The following ERBB4 variants were observed in gnomAD, a reference collection of about 807,000 sequenced individuals.
ERBB4 encodes erb-b2 receptor tyrosine kinase 4.
Under a neutral mutation model 158.0 loss-of-function variants are expected in ERBB4, and 42 were observed. That is an observed-to-expected ratio of 0.27 (90% CI 0.21 to 0.34). The LOEUF (loss-of-function observed/expected upper bound fraction) is 0.34. ERBB4 is among the 10% of genes least tolerant of loss of function. The pLI, the probability that ERBB4 is intolerant of heterozygous loss-of-function variation, is 1.00. For synonymous variants in ERBB4, 583 were observed against 558.7 expected (o/e 1.04, Z -0.61); for missense variants, 1,333 against 1,624.1 (o/e 0.82, Z 3.08).
intron 17 of ERBB4, among the ~76,000 whole-genome samples, chr2:211,626,751 T>C (rs1050711217): frequency 5.9e-5 from 9 of 151,726 alleles, no homozygotes; most frequent in Non-Finnish European, 7.4e-5. Context: ...TGTGAAACCC[T>C]GTCTCTACTA....
intron 1 of ERBB4, among the ~76,000 whole-genome samples, chr2:212,462,467 A>G (rs1688623890): frequency 6.6e-6 from 1 of 152,200 alleles, no homozygotes; most frequent in African/African-American, 2.4e-5. Flanking sequence ...ATTTCTCAAG[A>G]GATGACATAC....
chr2:212,017,651 T>G (rs1016820418), intron 2 of ERBB4, among the ~76,000 whole-genome samples: 1 of 152,100 alleles, frequency 6.6e-6, no homozygotes, highest in Non-Finnish European at 1.5e-5. Context: ...ATTCATGAAG[T>G]TTTGCACATC....
chr2:211,715,261 T>G (rs2073854886), intron 7 of ERBB4, among the ~76,000 whole-genome samples: 1 of 152,180 alleles, frequency 6.6e-6, no homozygotes, highest in Non-Finnish European at 1.5e-5. Flanking sequence ...GTACAAAGTA[T>G]GGAAAAATTT....
intron 1 of ERBB4, among the ~76,000 whole-genome samples, chr2:212,371,389 T>A (rs1170933719): frequency 1.3e-5 from 2 of 152,252 alleles, no homozygotes; most frequent in African/African-American, 4.8e-5. Flanking sequence ...TTCTTTACAA[T>A]GTCAAATACA....
At chr2:211,665,546 T>C in intron 14 of ERBB4, 69 bp from the exon 15 acceptor site, 3 of 1,497,156 alleles carry the variant, frequency 2.0e-6, no homozygotes, top group South Asian at 1.2e-5. Flanking sequence ...TGTATTCATG[T>C]GGTTTAGTTA....
intron 2 of ERBB4, among the ~76,000 whole-genome samples, chr2:212,070,641 C>A (rs1491002742): frequency 6.6e-6 from 1 of 151,922 alleles, no homozygotes; most frequent in Non-Finnish European, 1.5e-5. Context: ...AATGTACACA[C>A]AAAAGAATTA....
At chr2:211,388,016 G>A (rs1299917054) in intron 25 of ERBB4, 24 bp from the exon 26 acceptor site, 1 of 1,541,240 alleles carries the variant, frequency 6.5e-7, no homozygotes, top group Admixed American at 1.7e-5. Flanking sequence ...AAAATGGAAT[G>A]ATGGATATAA....
chr2:211,948,451 A>C (rs976274960), intron 2 of ERBB4, among the ~76,000 whole-genome samples: 1 of 151,154 alleles, frequency 6.6e-6, no homozygotes, highest in Non-Finnish European at 1.5e-5. Flanking sequence ...AAAAAAAAAA[A>C]AAAAAAAAAA....
At chr2:212,047,069 C>A (rs1014021166) in intron 2 of ERBB4, among the ~76,000 whole-genome samples, 1 of 152,014 alleles carries the variant, frequency 6.6e-6, no homozygotes. Context: ...CCATTATTCT[C>A]CCAAAAAGAA....
At chr2:212,528,630 T>C (rs1692578815) in intron 1 of ERBB4, among the ~76,000 whole-genome samples, 1 of 152,154 alleles carries the variant, frequency 6.6e-6, no homozygotes, top group Non-Finnish European at 1.5e-5. Flanking sequence ...TTTAGGCAAA[T>C]ATAAATTAAG....
At chr2:211,746,988 G>A (rs62183021) in intron 5 of ERBB4, among the ~76,000 whole-genome samples, 34,989 of 151,954 alleles carry the variant, frequency 0.23, 4,353 homozygotes, top group Non-Finnish European at 0.29. Context: ...TCAACTCTCT[G>A]TATGGCTGCT....
At chr2:211,770,483 G>A (rs6722576) in intron 4 of ERBB4, among the ~76,000 whole-genome samples, 22,256 of 151,984 alleles carry the variant, frequency 0.15, 1,833 homozygotes, top group South Asian at 0.33. Flanking sequence ...ATGTTTGAAC[G>A]GTGTGAAAAC....
At chr2:212,289,244 T>A (rs2086116700) in intron 1 of ERBB4, among the ~76,000 whole-genome samples, 1 of 152,194 alleles carries the variant, frequency 6.6e-6, no homozygotes, top group African/African-American at 2.4e-5. Context: ...TTTTGCTGCT[T>A]TTCCTGATTT....
intron 3 of ERBB4, among the ~76,000 whole-genome samples, chr2:211,813,867 T>C (rs1389651604): frequency 6.6e-6 from 1 of 152,144 alleles, no homozygotes; most frequent in Non-Finnish European, 1.5e-5. Flanking sequence ...AACCTTAAAT[T>C]AGTAATTCTC....
intron 1 of ERBB4, among the ~76,000 whole-genome samples, chr2:212,171,717 C>T (rs1040137429): frequency 2.0e-5 from 3 of 152,088 alleles, no homozygotes; most frequent in African/African-American, 7.2e-5. Context: ...AGTTCTCTTG[C>T]CTGCTGCCAC....
intron 1 of ERBB4, among the ~76,000 whole-genome samples, chr2:212,505,190 G>A (rs752224646): frequency 5.9e-5 from 9 of 152,092 alleles, no homozygotes; most frequent in East Asian, 1.9e-4. Flanking sequence ...TCTGCCTCCC[G>A]GGTTCAAGCG....
chr2:211,580,876 TATA>T (rs1437445578), intron 19 of ERBB4, among the ~76,000 whole-genome samples: 30 of 760 alleles, frequency 0.039, no homozygotes, highest in African/African-American at 0.11. Context: ...CATATATATA[TATA>T]TATATATATA....
chr2:211,790,961 T>A (rs910117544), intron 3 of ERBB4, among the ~76,000 whole-genome samples: 1 of 151,956 alleles, frequency 6.6e-6, no homozygotes, highest in African/African-American at 2.4e-5. Context: ...TGTCAGAAAG[T>A]AATGTTATAA....
chr2:211,849,774 T>A (rs961907198), intron 3 of ERBB4, among the ~76,000 whole-genome samples: 23 of 152,012 alleles, frequency 1.5e-4, no homozygotes, highest in African/African-American at 5.1e-4. Flanking sequence ...TAAGATCATC[T>A]TTCTATATTG....
Sources: allele counts gnomAD v4.1 joint callset (sites outside exome capture counted in the v4.1 genomes callset), GRCh38; gene constraint gnomAD v4.1.1; transcripts MANE v1.5; gene names NCBI Gene and HGNC (gene_info 2026-07-23, HGNC 2026-07-21).